ZNF442: variants seen among roughly 807,000 people sequenced by gnomAD.
ZNF442 encodes the protein zinc finger protein 442.
ZNF442 carries 45 observed loss-of-function variants against 57.0 expected under a neutral mutation model. The ratio of observed to expected loss-of-function variants is 0.79; its 90% confidence interval spans 0.62 to 1.01. The LOEUF (loss-of-function observed/expected upper bound fraction) is 1.01. Ranked by LOEUF, ZNF442 falls within the 50% of genes least tolerant of loss-of-function variation. The probability of loss-of-function intolerance (pLI) is 0.00; values close to 1 mark genes in which losing one functional copy is unlikely to be tolerated. For synonymous variants in ZNF442, 213 were observed against 241.8 expected (o/e 0.88, Z 1.10); for missense variants, 690 against 756.5 (o/e 0.91, Z 1.03).
intron 3 of ZNF442, among the ~76,000 whole-genome samples, chr19:12,356,338 AAAAG>A (rs1166338637): frequency 6.6e-6 from 1 of 151,820 alleles, no homozygotes; most frequent in African/African-American, 2.4e-5. Flanking sequence ...CTTAAAAACA[AAAAG>A]AAAGGCCAGG....
At chr19:12,357,136 C>A (rs1252041047) in intron 3 of ZNF442, among the ~76,000 whole-genome samples, 3 of 152,098 alleles carry the variant, frequency 2.0e-5, no homozygotes, top group Non-Finnish European at 4.4e-5. Flanking sequence ...ATTTTCTCCC[C>A]TCTCCTTTCA....
chr19:12,354,061 A>G (rs1969286799), intron 3 of ZNF442, among the ~76,000 whole-genome samples: 1 of 152,302 alleles, frequency 6.6e-6, no homozygotes, highest in East Asian at 1.9e-4. Flanking sequence ...TAAATCATCT[A>G]GCTTCAGGTA....
rs1036147955 is a variant in ZNF442, at chr19:12,350,164, G to A, written c.1421C>T (p.Ser474Phe). Reference protein sequence around the residue: ...KCGKAFIDFYSFQNHETTHTG... With the variant: ...KCGKAFIDFYFFQNHETTHTG... ...GTGAGTTGTTTCATGATTTTGAAAG[G>A]AATAGAAATCAATAAAGGCTTTCCC... The change falls in exon 6 of 6, where the codon TCC (serine) becomes TTC (phenylalanine). Residue 474 changes from serine to phenylalanine, a missense_variant. Transcript: ENST00000242804. 8 of 1,613,830 alleles carry A rather than the reference G, an allele frequency of 5.0e-6. No individual in the cohort carries two copies. The highest frequency in any genetic ancestry group is 1.1e-5 in the South Asian group (1 of 91,064).
Position 12,365,673 on chromosome 19 carries a change from T to C in ZNF442, c.-623A>G, listed in dbSNP as rs1221564367. 3 of 215,532 alleles carry C rather than the reference T, an allele frequency of 1.4e-5. No individual in the cohort carries two copies. Among genetic ancestry groups the C allele is most frequent in the Non-Finnish European group, 2.8e-5 (3 of 105,360 alleles). 13.4% of individuals were successfully genotyped at this position (215,532 alleles called of 1,614,324 possible). Reference sequence around the variant, plus strand: ...CCAGGAGCGGGAGCTCAGAGGGGTGTAGAAAGCTCCACCCTCCTCCCGGCA... The same window carrying C: ...CCAGGAGCGGGAGCTCAGAGGGGTGCAGAAAGCTCCACCCTCCTCCCGGCA... On this transcript the variant is annotated 5_prime_UTR_variant, in exon 1 of 6. Transcript: ENST00000242804.
Position 12,347,953 on chromosome 19 carries a change from A to C in ZNF442, c.*1748T>G, listed in dbSNP as rs890717178. ...CAGATAATGATGATAATGATGATGC[A>C]GAAGACTTAGAAGAGGTAATATCAA... On this transcript the variant is annotated 3_prime_UTR_variant, in exon 6 of 6. Coordinates refer to ENST00000242804, the MANE Select transcript of ZNF442 (RefSeq NM_030824.3). 1 of 152,238 alleles carries C rather than the reference A, an allele frequency of 6.6e-6. No homozygotes were observed. The highest frequency in any genetic ancestry group is 2.4e-5 in the African/African-American group (1 of 41,472). The allele number at this position is 152,238 out of a possible 1,614,324, so 9.4% of individuals were successfully genotyped here.
At chr19:12,358,070 C>A (rs1969363680) in intron 3 of ZNF442, among the ~76,000 whole-genome samples, 1 of 150,402 alleles carries the variant, frequency 6.6e-6, no homozygotes, top group South Asian at 2.1e-4. Context: ...TTAAGCAATT[C>A]TCTGCCTCAG....
intron 3 of ZNF442, among the ~76,000 whole-genome samples, chr19:12,356,652 C>T (rs1485521479): frequency 6.7e-6 from 1 of 149,862 alleles, no homozygotes; most frequent in Non-Finnish European, 1.5e-5. Context: ...GAGAGAGAAA[C>T]AAGGCAAGGC....
upstream of ZNF442, among the ~76,000 whole-genome samples, chr19:12,366,455 CT>C (rs564697862): frequency 0.012 from 1,753 of 151,834 alleles, 34 homozygotes; most frequent in African/African-American, 0.04. Flanking sequence ...CGTTTTAAAC[CT>C]TTTTTTTCTT....
At chr19:12,373,390 A>G in the ZNF442 span, among the ~76,000 whole-genome samples, 1 of 152,162 alleles carries the variant, frequency 6.6e-6, no homozygotes, top group South Asian at 2.1e-4. Context: ...AAACAAAAAA[A>G]AATTAGCCAG....
the ZNF442 span, among the ~76,000 whole-genome samples, chr19:12,372,759 C>T: frequency 1.8e-4 from 28 of 152,140 alleles, no homozygotes; most frequent in East Asian, 1.5e-3. Context: ...ACATTTTGCA[C>T]GAGTGAATTT....
At chr19:12,370,972 CAAA>C in the ZNF442 span, among the ~76,000 whole-genome samples, 8 of 66,006 alleles carry the variant, frequency 1.2e-4, no homozygotes, top group African/African-American at 1.2e-4. Flanking sequence ...GACCCCATCT[CAAA>C]AAAAAAAAAA....
chr19:12,349,664 CTGAAA>C lies in ZNF442; in HGVS notation c.*32_*36del. The C allele has an allele frequency of 6.4e-7, 1 of 1,550,990 alleles. No individual in the cohort carries two copies. Among genetic ancestry groups the C allele is most frequent in the Non-Finnish European group, 8.7e-7 (1 of 1,150,782 alleles). ...CTCCTATGTGATTTCTTTCACGTTT[CTGAAA>C]TGAAATAAAATTAATGAATGCTTTT... On this transcript the variant is annotated 3_prime_UTR_variant, in exon 6 of 6. Coordinates refer to ENST00000242804, the MANE Select transcript of ZNF442 (RefSeq NM_030824.3).
chr19:12,365,383 G>A lies in ZNF442; in HGVS notation c.-482-140C>T, dbSNP rs539557318. The A allele has an allele frequency of 4.0e-5, 9 of 227,458 alleles. 1 individual carries two copies. In the South Asian group the frequency reaches 5.1e-4, roughly 13 times the overall value. The allele number at this position is 227,458 out of a possible 1,614,324, so 14.1% of individuals were successfully genotyped here. A position where few individuals can be genotyped will look rare whatever the true frequency, so the allele number is the denominator to read the frequency against. On this transcript the variant is annotated intron_variant, in intron 1 of 5. Coordinates refer to ENST00000242804, the MANE Select transcript of ZNF442 (RefSeq NM_030824.3). The stretch of plus-strand genomic sequence containing the variant: ...AGCCCCCAGCTCCCACCCCGCGGCC[G>A]AGGGGACTGAAGGCCGGCTGGGCCA...
In ZNF442 at chr19:12,351,546, G is replaced by A. The variant is rs558907979; in HGVS notation, c.267-228C>T. 7.9e-5 allele frequency among the ~76,000 whole-genome samples: 12 copies of A among 151,988 alleles called. No individual in the cohort carries two copies. The South Asian group carries it at 1.0e-3, about 13-fold the overall frequency. On this transcript the variant is annotated intron_variant, in intron 5 of 5. Coordinates refer to ENST00000242804, the MANE Select transcript of ZNF442 (RefSeq NM_030824.3). ...TTTTGAGATGGAGTCTCGCTCTGTC[G>A]CCAGGCTGGAGTGCAGTGGCATGAT...
At chr19:12,361,900 T>C (rs191724332) in intron 3 of ZNF442, among the ~76,000 whole-genome samples, 8 of 152,324 alleles carry the variant, frequency 5.3e-5, no homozygotes, top group South Asian at 4.1e-4. Flanking sequence ...TCATATTTTT[T>C]TGGTGGAGAC....
chr19:12,365,805 G>T (rs1969523903), upstream of ZNF442: 1 of 164,296 alleles, frequency 6.1e-6, no homozygotes, highest in Non-Finnish European at 1.3e-5. Flanking sequence ...GATCTTACAC[G>T]GCTGAGTGGA....
upstream of ZNF442, among the ~76,000 whole-genome samples, chr19:12,367,190 G>A (rs1054673160): frequency 2.6e-5 from 4 of 152,202 alleles, no homozygotes; most frequent in Non-Finnish European, 5.9e-5. Flanking sequence ...GAGAAATTAA[G>A]AGAAAGAGTA....
Position 12,346,608 on chromosome 19 carries a change from T to C in ZNF442, c.*3093A>G, listed in dbSNP as rs750146651. 4.6e-5 allele frequency: 7 copies of C among 152,176 alleles called. No individual in the cohort carries two copies. The highest frequency in any genetic ancestry group is 8.8e-5 in the Non-Finnish European group (6 of 68,044). The allele number at this position is 152,176 out of a possible 1,614,324, so 9.4% of individuals were successfully genotyped here. ...CTAGGGATACATATATCCAAAAGAA[T>C]TGAAAGCAGGGACTCACACAGACAT... On this transcript the variant is annotated 3_prime_UTR_variant, in exon 6 of 6. Coordinates refer to ENST00000242804, the MANE Select transcript of ZNF442 (RefSeq NM_030824.3).
chr19:12,350,701 C>T lies in ZNF442; in HGVS notation c.884G>A (p.Cys295Tyr), dbSNP rs1320626399. The T allele has an allele frequency of 6.2e-7, 1 of 1,613,798 alleles. No individual in the cohort carries two copies. Among genetic ancestry groups the T allele is most frequent in the Non-Finnish European group, 8.5e-7 (1 of 1,180,026 alleles). The change falls in exon 6 of 6, where the codon TGT (cysteine) becomes TAT (tyrosine). Residue 295 changes from cysteine to tyrosine, a missense_variant. Coordinates refer to ENST00000242804, the MANE Select transcript of ZNF442 (RefSeq NM_030824.3). Reference sequence around the variant, plus strand: ...ACTGAAGGCTCTTCCACATCGTTTACATTTATAGGGTTTTTCTCCAGTGTG... The same window carrying T: ...ACTGAAGGCTCTTCCACATCGTTTATATTTATAGGGTTTTTCTCCAGTGTG... ...RTHTGEKPYK[C>Y]KRCGRAFSVS...
Sources: allele counts gnomAD v4.1 joint callset (sites outside exome capture counted in the v4.1 genomes callset), GRCh38; gene constraint gnomAD v4.1.1; transcripts MANE v1.5; gene names NCBI Gene and HGNC (gene_info 2026-07-23, HGNC 2026-07-21).